DAAM2: variants seen among roughly 807,000 people sequenced by gnomAD.
DAAM2 encodes the protein dishevelled associated activator of morphogenesis 2.
DAAM2 carries 39 observed loss-of-function variants against 120.7 expected under a neutral mutation model. The ratio of observed to expected loss-of-function variants is 0.32; its 90% CI spans 0.25 to 0.42. The LOEUF (loss-of-function observed/expected upper bound fraction) is 0.42, where lower values mean the gene tolerates loss of function less well. Ranked by LOEUF, DAAM2 falls within the 10% of genes least tolerant of loss-of-function variation. DAAM2 has a pLI of 1.00. For synonymous variants in DAAM2, 488 were observed against 524.9 expected, an observed-to-expected ratio of 0.93 and a Z score of 0.96; for missense variants, 1,283 against 1,401.7, an observed-to-expected ratio of 0.92 and a Z score of 1.35.
At position 39,864,473 on chromosome 6, in the gene DAAM2, A is replaced by T; in HGVS notation, c.299A>T (p.Asp100Val). 6.2e-7 allele frequency: 1 copy of T among 1,612,764 alleles called. No homozygotes were observed. Among genetic ancestry groups the T allele is most frequent in the Non-Finnish European group, 8.5e-7 (1 of 1,179,742 alleles). Reference sequence around the variant, plus strand: ...AACAAGCTGGCAACCAGCTGGCCTGACTATTACATCGACCGCATCAATTCC... The same window carrying T: ...AACAAGCTGGCAACCAGCTGGCCTGTCTATTACATCGACCGCATCAATTCC... ...DPNKLATSWP[D>V]YYIDRINSMA... is the part of the protein sequence containing the mutation. The change falls in exon 4 of 25, where the codon GAC (aspartate) becomes GTC (valine). Residue 100 changes from aspartate (D) to valine (V), a missense_variant. Around this residue, in one of 3 missense-constraint regions of DAAM2, gnomAD observed 197 missense variants for 189.3 expected, o/e 1.04. Coordinates refer to ENST00000274867, the MANE Select transcript of DAAM2 (RefSeq NM_001201427.2).
chr6:39,880,692 C>T (rs1765078168), intron 14 of DAAM2, among the ~76,000 whole-genome samples: 1 of 152,202 alleles, frequency 6.6e-6, no homozygotes, highest in Admixed American at 6.5e-5. Context: ...CAAAAATTCC[C>T]TCTGCCTCTG....
intron 1 of DAAM2, among the ~76,000 whole-genome samples, chr6:39,840,406 G>T (rs1763279956): frequency 6.6e-6 from 1 of 152,190 alleles, no homozygotes; most frequent in Non-Finnish European, 1.5e-5. Flanking sequence ...AATTAAGTGA[G>T]ATAGTACATA....
intron 1 of DAAM2, among the ~76,000 whole-genome samples, chr6:39,838,093 G>A (rs1763178399): frequency 6.6e-6 from 1 of 152,208 alleles, no homozygotes; most frequent in Non-Finnish European, 1.5e-5. Context: ...TGAGAGAGTA[G>A]AATGGGGCTG....
At chr6:39,808,139 T>C (rs1485440609) in intron 1 of DAAM2, among the ~76,000 whole-genome samples, 1 of 151,688 alleles carries the variant, frequency 6.6e-6, no homozygotes, top group Non-Finnish European at 1.5e-5. Context: ...CTGGTGGAGA[T>C]GCCAAATAGG....
intron 6 of DAAM2, 80 bp from the exon 7 acceptor site, chr6:39,868,743 C>T (rs993971174): frequency 3.0e-5 from 30 of 1,013,122 alleles, no homozygotes; most frequent in Middle Eastern, 2.2e-4. Flanking sequence ...GTAGTGGAGG[C>T]GACAGGAGTA....
intron 1 of DAAM2, among the ~76,000 whole-genome samples, chr6:39,809,489 G>T (rs998321050): frequency 6.6e-6 from 1 of 152,134 alleles, no homozygotes; most frequent in African/African-American, 2.4e-5. Context: ...AATCTGAAGA[G>T]GTCATCTATT....
intron 1 of DAAM2, among the ~76,000 whole-genome samples, chr6:39,799,169 C>T (rs1761789227): frequency 6.6e-6 from 1 of 151,978 alleles, no homozygotes; most frequent in African/African-American, 2.4e-5. Flanking sequence ...TGGCTCCTGC[C>T]CTCCACAACA....
intron 1 of DAAM2, chr6:39,792,861 T>C (rs1761587613): frequency 6.6e-6 from 1 of 152,280 alleles, no homozygotes. Flanking sequence ...GGTGGTGGCT[T>C]TTCCGGGTTC....
intron 19 of DAAM2, among the ~76,000 whole-genome samples, chr6:39,895,618 G>GT (rs1562062970): frequency 1.3e-5 from 2 of 152,156 alleles, no homozygotes; most frequent in African/African-American, 2.4e-5. Flanking sequence ...AGAATGTTCA[G>GT]TTTGGCATAA....
At chr6:39,809,545 A>G (rs1157897402) in intron 1 of DAAM2, among the ~76,000 whole-genome samples, 1 of 152,176 alleles carries the variant, frequency 6.6e-6, no homozygotes, top group African/African-American at 2.4e-5. Flanking sequence ...AGTTCTCACA[A>G]TGGTTGTCCT....
chr6:39,875,229 A>G, intron 10 of DAAM2, 101 bp from the exon 11 acceptor site: 3 of 1,299,354 alleles, frequency 2.3e-6, no homozygotes, highest in Non-Finnish European at 3.2e-6. Context: ...ATAGGTGGAG[A>G]AGGGCATGCC....
At position 39,876,670 on chromosome 6, in the gene DAAM2, C is replaced by T. The variant is rs527440770; in HGVS notation, c.1301+1202C>T. On this transcript the variant is annotated intron_variant, in intron 11 of 24. Transcript: ENST00000274867. ...CATGATTTAGCCTTAAATCTTTCTCCTCCACCAGCTGGGGCCAGGAAACTG... is the reference window on the plus strand; with the variant it reads ...CATGATTTAGCCTTAAATCTTTCTCTTCCACCAGCTGGGGCCAGGAAACTG... Among the ~76,000 whole-genome samples the T allele has an allele frequency of 2.7e-4, 41 of 152,190 alleles. 1 individual carries two copies. Among genetic ancestry groups the T allele is most frequent in the Admixed American group, 4.6e-4 (7 of 15,270 alleles).
intron 15 of DAAM2, chr6:39,886,311 A>C (rs1582739470): frequency 2.5e-6 from 1 of 398,500 alleles, no homozygotes; most frequent in East Asian, 3.6e-5. Flanking sequence ...TGAAGTGGAC[A>C]GTGTAGATGC....
chr6:39,822,351 T>C (rs1762519005), intron 1 of DAAM2: 1 of 152,158 alleles, frequency 6.6e-6, no homozygotes. Context: ...ACCCGAGGGT[T>C]TCCAAATCAG....
At chr6:39,828,665 T>C (rs144938291) in intron 1 of DAAM2, among the ~76,000 whole-genome samples, 2,153 of 149,866 alleles carry the variant, frequency 0.014, 43 homozygotes, top group African/African-American at 0.042. Context: ...CGGGTTCAAG[T>C]GATTCTCCTT....
Position 39,891,465 on chromosome 6 carries a change from G to C in DAAM2, c.2252+18G>C. The stretch of plus-strand genomic sequence containing the variant: ...ATGAGCAGGTTGGGCCATGGGCATG[G>C]TGGGGATTCAAGCAGGTGGGGTTCT... On this transcript the variant is annotated intron_variant, in intron 18 of 24. Coordinates refer to ENST00000274867, the MANE Select transcript of DAAM2 (RefSeq NM_001201427.2). 6.3e-7 allele frequency: 1 copy of C among 1,591,906 alleles called. No individual in the cohort carries two copies. The highest frequency in any genetic ancestry group is 8.6e-7 in the Non-Finnish European group (1 of 1,167,206).
chr6:39,842,470 A>G (rs1763381843), intron 1 of DAAM2, among the ~76,000 whole-genome samples: 1 of 152,070 alleles, frequency 6.6e-6, no homozygotes. Context: ...CGTCTCTACT[A>G]AAAATATAAA....
intron 8 of DAAM2, 85 bp downstream of exon 8, chr6:39,870,528 C>T (rs1481635101): frequency 1.1e-6 from 1 of 873,942 alleles, no homozygotes; most frequent in South Asian, 1.5e-5. Flanking sequence ...TGAAGGCTGC[C>T]CTTCCCTCTG....
At position 39,807,577 on chromosome 6, in the gene DAAM2, C is replaced by T. The variant is rs1045963089; in HGVS notation, c.-57+15112C>T. ...TGTCACCCAGACAGGAGTGCAATGG[C>T]GTGACCTCTTTTCACTGCAACCTCC... On this transcript the variant is annotated intron_variant, in intron 1 of 24. Coordinates refer to ENST00000274867, the MANE Select transcript of DAAM2 (RefSeq NM_001201427.2). Among the ~76,000 whole-genome samples, 10 of 152,220 alleles carry T rather than the reference C, an allele frequency of 6.6e-5. No homozygotes were observed. The East Asian group carries it at 7.7e-4, about 12-fold the overall frequency.
Sources: allele counts gnomAD v4.1 joint callset (sites outside exome capture counted in the v4.1 genomes callset), GRCh38; gene constraint gnomAD v4.1.1; regional missense constraint gnomAD v4.1.1; transcripts MANE v1.5; gene names NCBI Gene and HGNC (gene_info 2026-07-23, HGNC 2026-07-21).